Variants in PCDHA7 observed in about 807,000 individuals in gnomAD.
PCDHA7 encodes the protein protocadherin alpha 7, also known as protocadherin alpha-7.
Under a neutral mutation model 57.2 loss-of-function variants are expected in PCDHA7, and 37 were observed. The observed-to-expected ratio is 0.65, with a 90% CI of 0.50 to 0.85. The LOEUF is 0.85. Ranked by LOEUF, PCDHA7 falls within the 40% of genes least tolerant of loss-of-function variation. The probability of loss-of-function intolerance (pLI) is 0.00; values close to 1 mark genes in which losing one functional copy is unlikely to be tolerated. For synonymous variants in PCDHA7, 553 were observed against 558.8 expected (o/e 0.99, Z 0.15); for missense variants, 1,188 against 1,241.8 (o/e 0.96, Z 0.65).
chr5:140,856,728 T>A (rs782022822), intron 1 of PCDHA7: 1 of 1,595,848 alleles, frequency 6.3e-7, no homozygotes, highest in Middle Eastern at 1.7e-4. Flanking sequence ...TCTGTTTCTC[T>A]GCTGATCCTG....
At chr5:140,916,613 A>T (rs2077649645) in intron 1 of PCDHA7, among the ~76,000 whole-genome samples, 1 of 151,990 alleles carries the variant, frequency 6.6e-6, no homozygotes, top group Non-Finnish European at 1.5e-5. Flanking sequence ...GGGCCTCATG[A>T]CTCTACTCAA....
intron 1 of PCDHA7, chr5:140,858,664 AATTT>A: frequency 1.4e-6 from 1 of 728,728 alleles, no homozygotes; most frequent in Non-Finnish European, 2.2e-6. Flanking sequence ...TTTAAATAAC[AATTT>A]ATTCTGAATA....
At chr5:140,975,847 C>T (rs895067113) in intron 1 of PCDHA7, among the ~76,000 whole-genome samples, 1 of 152,100 alleles carries the variant, frequency 6.6e-6, no homozygotes, top group East Asian at 1.9e-4. Flanking sequence ...TTCAGTAATA[C>T]TACATCACCC....
chr5:140,902,209 T>C (rs1583451921), intron 1 of PCDHA7, among the ~76,000 whole-genome samples: 2 of 150,148 alleles, frequency 1.3e-5, no homozygotes, highest in African/African-American at 4.9e-5. Context: ...CTTTCTTTTT[T>C]TTTTTTTTTT....
chr5:140,846,690 C>A (rs1189779221), intron 1 of PCDHA7, among the ~76,000 whole-genome samples: 2 of 149,102 alleles, frequency 1.3e-5, no homozygotes, highest in African/African-American at 4.9e-5. Context: ...GCTTTCTTAG[C>A]AAGTAGAGAA....
At chr5:140,993,337 G>A (rs2097550534) in intron 3 of PCDHA7, among the ~76,000 whole-genome samples, 1 of 151,924 alleles carries the variant, frequency 6.6e-6, no homozygotes, top group African/African-American at 2.4e-5. Context: ...GTGATTTGAA[G>A]GGCACTACGA....
At chr5:141,006,390 T>G (rs539931677) in intron 3 of PCDHA7, among the ~76,000 whole-genome samples, 149 of 152,058 alleles carry the variant, frequency 9.8e-4, no homozygotes, top group African/African-American at 3.0e-3. Context: ...TTTTTTCTAT[T>G]TTTTAGTAGA....
intron 1 of PCDHA7, among the ~76,000 whole-genome samples, chr5:140,891,988 A>T (rs1213568167): frequency 6.6e-6 from 1 of 152,216 alleles, no homozygotes. Flanking sequence ...TAAATTACTC[A>T]GTCTGTGGCA....
At chr5:140,971,632 A>G (rs1228797401) in intron 1 of PCDHA7, among the ~76,000 whole-genome samples, 2 of 152,158 alleles carry the variant, frequency 1.3e-5, no homozygotes, top group Admixed American at 6.5e-5. Context: ...AATTAGTACC[A>G]TGTGCCTACA....
At chr5:140,933,458 C>G (rs1040429377) in intron 1 of PCDHA7, among the ~76,000 whole-genome samples, 2 of 151,968 alleles carry the variant, frequency 1.3e-5, no homozygotes, top group Non-Finnish European at 2.9e-5. Flanking sequence ...TCAAAATATA[C>G]TCTGAATTCA....
intron 1 of PCDHA7, among the ~76,000 whole-genome samples, chr5:140,926,033 G>A (rs1554203080): frequency 6.6e-6 from 1 of 152,070 alleles, no homozygotes; most frequent in Non-Finnish European, 1.5e-5. Flanking sequence ...AGTTTGATGC[G>A]GACACTATTC....
At chr5:141,000,609 G>A (rs2097951405) in intron 3 of PCDHA7, among the ~76,000 whole-genome samples, 1 of 150,600 alleles carries the variant, frequency 6.6e-6, no homozygotes. Context: ...TGTATTTTTA[G>A]TAGAGACAGG....
chr5:140,968,099 G>A, intron 1 of PCDHA7: 3 of 1,614,100 alleles, frequency 1.9e-6, no homozygotes, highest in South Asian at 1.1e-5. Flanking sequence ...CACAGATGGG[G>A]GAATACCGCA....
intron 1 of PCDHA7, among the ~76,000 whole-genome samples, chr5:140,945,295 T>G (rs2093770302): frequency 6.6e-6 from 1 of 152,084 alleles, no homozygotes; most frequent in Non-Finnish European, 1.5e-5. Flanking sequence ...TGAAAGAAAT[T>G]GAAGAAGACA....
intron 1 of PCDHA7, among the ~76,000 whole-genome samples, chr5:140,915,642 C>CTCTG (rs1236956905): frequency 1.3e-5 from 2 of 152,012 alleles, no homozygotes; most frequent in African/African-American, 2.4e-5. Context: ...CTCTCTCTCT[C>CTCTG]TCTCTCTCTC....
chr5:140,861,442 G>T (rs251368), intron 1 of PCDHA7: 232,262 of 488,424 alleles, frequency 0.48, 56,771 homozygotes, highest in South Asian at 0.56. Context: ...TCCAAAAGCC[G>T]CAGAAACCTT....
intron 1 of PCDHA7, chr5:140,851,313 C>T: frequency 1.0e-6 from 1 of 998,874 alleles, no homozygotes; most frequent in Non-Finnish European, 1.2e-6. Flanking sequence ...GCAATTGTTA[C>T]CTTGTTAAGT....
At chr5:141,001,953 G>C (rs55743067) in intron 3 of PCDHA7, among the ~76,000 whole-genome samples, 27 of 152,290 alleles carry the variant, frequency 1.8e-4, no homozygotes, top group Non-Finnish European at 3.5e-4. Context: ...AAGGAGGAGG[G>C]AGAGGCGGGG....
At chr5:140,874,041 G>C (rs1385679236) in intron 1 of PCDHA7, among the ~76,000 whole-genome samples, 1 of 152,212 alleles carries the variant, frequency 6.6e-6, no homozygotes, top group African/African-American at 2.4e-5. Flanking sequence ...GAAACTTGGT[G>C]ATGATATTAG....
Sources: gnomAD v4.1 joint callset for allele counts (sites outside exome capture counted in the v4.1 genomes callset) on GRCh38, gnomAD v4.1.1 for gene constraint, MANE v1.5 for transcripts, NCBI Gene and HGNC (gene_info 2026-07-23, HGNC 2026-07-21) for gene names.